The following SNTG1 variants were observed in gnomAD, a reference collection of about 807,000 sequenced individuals.
SNTG1 encodes gamma-1-syntrophin.
A neutral mutation model predicts 74.7 loss-of-function variants in SNTG1; 39 were observed. The ratio of observed to expected loss-of-function variants is 0.52; its 90% CI spans 0.40 to 0.68. The LOEUF (loss-of-function observed/expected upper bound fraction) is 0.68. SNTG1 is among the 30% of genes least tolerant of loss of function. SNTG1 has a pLI of 0.00. For missense variants in SNTG1, 685 were observed against 609.5 expected, an observed-to-expected ratio of 1.12 and a Z score of -1.30; for synonymous variants, 254 against 217.1, an observed-to-expected ratio of 1.17 and a Z score of -1.49.
intron 5 of SNTG1, among the ~76,000 whole-genome samples, chr8:50,446,720 T>G (rs891987467): frequency 6.6e-6 from 1 of 152,042 alleles, no homozygotes; most frequent in African/African-American, 2.4e-5. Flanking sequence ...CATGTTTGGA[T>G]TCAAACCATT....
intron 17 of SNTG1, among the ~76,000 whole-genome samples, chr8:50,730,611 T>C (rs1401273967): frequency 2.0e-5 from 3 of 152,156 alleles, no homozygotes; most frequent in Non-Finnish European, 4.4e-5. Context: ...TTAATGGCAT[T>C]GAAAAATCAT....
chr8:50,593,866 C>T (rs2094709340), intron 13 of SNTG1, among the ~76,000 whole-genome samples: 1 of 151,912 alleles, frequency 6.6e-6, no homozygotes, highest in Admixed American at 6.6e-5. Flanking sequence ...TACAGGCATG[C>T]ACCACCACGC....
At chr8:50,174,677 C>T (rs1393997948) in intron 2 of SNTG1, among the ~76,000 whole-genome samples, 1 of 151,966 alleles carries the variant, frequency 6.6e-6, no homozygotes, top group African/African-American at 2.4e-5. Flanking sequence ...TAGGGGAGTC[C>T]AACAGATAAA....
intron 12 of SNTG1, among the ~76,000 whole-genome samples, chr8:50,581,939 G>T (rs2094612716): frequency 6.6e-6 from 1 of 152,176 alleles, no homozygotes; most frequent in South Asian, 2.1e-4. Context: ...AGGATAAGAT[G>T]CTTGAAGGAG....
intron 2 of SNTG1, among the ~76,000 whole-genome samples, chr8:50,299,663 C>T (rs2089555172): frequency 6.6e-6 from 1 of 152,034 alleles, no homozygotes; most frequent in Non-Finnish European, 1.5e-5. Flanking sequence ...GAAATTTCAG[C>T]TTATAATCAA....
chr8:50,665,485 AG>A (rs373862425), intron 15 of SNTG1, among the ~76,000 whole-genome samples: 1 of 152,052 alleles, frequency 6.6e-6, no homozygotes. Flanking sequence ...ATCTGGGGTC[AG>A]AGAGTTCTCA....
chr8:50,109,067 G>A (rs1333879024), intron 1 of SNTG1, among the ~76,000 whole-genome samples: 4 of 152,124 alleles, frequency 2.6e-5, no homozygotes, highest in Non-Finnish European at 4.4e-5. Context: ...AGCCCTGTGG[G>A]GCACCACCAT....
intron 13 of SNTG1, among the ~76,000 whole-genome samples, chr8:50,649,599 G>A (rs1020519884): frequency 6.6e-6 from 1 of 152,118 alleles, no homozygotes; most frequent in Non-Finnish European, 1.5e-5. Flanking sequence ...TTTAATTGTA[G>A]CCTCTTTGGA....
intron 1 of SNTG1, among the ~76,000 whole-genome samples, chr8:49,963,851 T>C (rs1476564421): frequency 2.0e-5 from 3 of 152,236 alleles, no homozygotes; most frequent in Admixed American, 2.0e-4. Context: ...TGATAAAACG[T>C]GTTTGTAAAT....
intron 1 of SNTG1, among the ~76,000 whole-genome samples, chr8:49,963,940 T>C (rs1412105289): frequency 2.6e-5 from 4 of 152,172 alleles, no homozygotes; most frequent in Non-Finnish European, 5.9e-5. Flanking sequence ...AAGCTCAAAA[T>C]GAGAAAAATA....
At chr8:50,785,351 G>A in intron 18 of SNTG1, among the ~76,000 whole-genome samples, 1 of 151,708 alleles carries the variant, frequency 6.6e-6, no homozygotes, top group East Asian at 1.9e-4. Context: ...AGAAATAAAA[G>A]AAGGTATATT....
At chr8:50,402,388 T>C (rs562708373) in intron 4 of SNTG1, 44 bp downstream of exon 4, 1 of 1,557,988 alleles carries the variant, frequency 6.4e-7, no homozygotes, top group East Asian at 2.3e-5. Flanking sequence ...TGTTTGTTTT[T>C]TGTTAATAAA....
chr8:50,212,267 C>T (rs1485605807), intron 2 of SNTG1, among the ~76,000 whole-genome samples: 1 of 152,122 alleles, frequency 6.6e-6, no homozygotes, highest in African/African-American at 2.4e-5. Context: ...CTGTGTTCAT[C>T]CAGTTCCAGA....
At chr8:50,508,081 T>G (rs2392700) in intron 9 of SNTG1, among the ~76,000 whole-genome samples, 50,177 of 151,440 alleles carry the variant, frequency 0.33, 9,585 homozygotes, top group African/African-American at 0.53. Context: ...CCCACTCCCC[T>G]CAACAGGCTA....
At chr8:50,330,387 T>A (rs1299282398) in intron 2 of SNTG1, among the ~76,000 whole-genome samples, 1 of 152,164 alleles carries the variant, frequency 6.6e-6, no homozygotes, top group Non-Finnish European at 1.5e-5. Context: ...CAGGTTTGTC[T>A]TTATTTGCAG....
intron 9 of SNTG1, among the ~76,000 whole-genome samples, chr8:50,519,467 G>C (rs1281672517): frequency 6.6e-6 from 1 of 151,860 alleles, no homozygotes; most frequent in Non-Finnish European, 1.5e-5. Flanking sequence ...AATCAGGCAA[G>C]AGAAAAAAAA....
chr8:49,988,772 A>G (rs1393775179), intron 1 of SNTG1, among the ~76,000 whole-genome samples: 1 of 152,132 alleles, frequency 6.6e-6, no homozygotes, highest in Non-Finnish European at 1.5e-5. Flanking sequence ...GAACTTAAGC[A>G]CTACATAGAG....
intron 2 of SNTG1, among the ~76,000 whole-genome samples, chr8:50,173,952 T>G (rs528463981): frequency 6.6e-6 from 1 of 152,322 alleles, no homozygotes; most frequent in South Asian, 2.1e-4. Flanking sequence ...AAGCCCTGCA[T>G]GCAGTAGGTA....
intron 2 of SNTG1, among the ~76,000 whole-genome samples, chr8:50,294,903 G>C (rs1443623995): frequency 6.6e-6 from 1 of 152,126 alleles, no homozygotes; most frequent in Non-Finnish European, 1.5e-5. Flanking sequence ...CCACTGTCCT[G>C]CCAATGGCTC....
Sources: allele counts gnomAD v4.1 joint callset (sites outside exome capture counted in the v4.1 genomes callset), GRCh38; gene constraint gnomAD v4.1.1; transcripts MANE v1.5; gene names NCBI Gene and HGNC (gene_info 2026-07-23, HGNC 2026-07-21).